The following CLIP1 variants were observed in gnomAD, a reference collection of about 807,000 sequenced individuals.
CLIP1 encodes CAP-Gly domain containing linker protein 1, also known as CAP-Gly domain-containing linker protein 1.
CLIP1 carries 66 observed loss-of-function variants against 161.6 expected under a neutral mutation model. That is an observed-to-expected ratio of 0.41 (90% CI 0.33 to 0.50). The LOEUF (loss-of-function observed/expected upper bound fraction) is 0.50, where lower values mean the gene tolerates loss of function less well. CLIP1 is among the 20% of genes least tolerant of loss of function. CLIP1 has a pLI of 0.27. For missense variants in CLIP1, 1,376 were observed against 1,702.0 expected, an observed-to-expected ratio of 0.81 and a Z score of 3.37; for synonymous variants, 598 against 626.2, an observed-to-expected ratio of 0.96 and a Z score of 0.67.
intron 24 of CLIP1, chr12:122,274,541 G>T (rs1464877713): frequency 4.8e-4 from 70 of 144,842 alleles, no homozygotes; most frequent in Admixed American, 9.6e-4. Flanking sequence ...GTTTTGTTTT[G>T]TTTTTTTTTT....
rs11057628 is a variant in CLIP1 at position 122,346,077 on chromosome 12, C to T, written c.1506+1298G>A. ...CTGGGATTACAGGCATGAGCCACCG[C>T]GCCTGGCCATTTCTTAATCTTTACG... On this transcript the variant is annotated intron_variant, in intron 10 of 25. Coordinates refer to ENST00000620786, the MANE Select transcript of CLIP1 (RefSeq NM_001247997.2). 4.5e-3 allele frequency among the ~76,000 whole-genome samples: 687 copies of T among 152,186 alleles called. 3 individuals are homozygous for T. Among genetic ancestry groups the T allele is most frequent in the African/African-American group, 0.015 (622 of 41,512 alleles).
chr12:122,420,957 GGATGGATA>G (rs1956918333), intron 1 of CLIP1, among the ~76,000 whole-genome samples: 1 of 150,728 alleles, frequency 6.6e-6, no homozygotes, highest in African/African-American at 2.5e-5. Flanking sequence ...ATTGATTGAT[GGATGGATA>G]GACAGACAGA....
chr12:122,371,511 T>A (rs1954448733), intron 3 of CLIP1, among the ~76,000 whole-genome samples: 1 of 152,162 alleles, frequency 6.6e-6, no homozygotes. Flanking sequence ...TAAAAAGAGT[T>A]TAGGCAAAGG....
At chr12:122,304,336 ATT>A (rs1172402469) in intron 20 of CLIP1, among the ~76,000 whole-genome samples, 1 of 152,058 alleles carries the variant, frequency 6.6e-6, no homozygotes, top group Non-Finnish European at 1.5e-5. Flanking sequence ...TCAAACCACA[ATT>A]TTGTTTCCTT....
chr12:122,412,466 C>A (rs1956577565), intron 1 of CLIP1, among the ~76,000 whole-genome samples: 1 of 151,928 alleles, frequency 6.6e-6, no homozygotes, highest in African/African-American at 2.4e-5. Flanking sequence ...ACCAGCCTGG[C>A]CAACATGGCG....
At chr12:122,300,403 C>T (rs775462867) in intron 20 of CLIP1, among the ~76,000 whole-genome samples, 3 of 151,906 alleles carry the variant, frequency 2.0e-5, no homozygotes, top group Admixed American at 2.0e-4. Context: ...GAGAATAAAT[C>T]GAAGTAAACA....
chr12:122,298,339 C>T (rs1263716489), intron 20 of CLIP1, among the ~76,000 whole-genome samples: 21 of 152,014 alleles, frequency 1.4e-4, no homozygotes, highest in Admixed American at 9.8e-4. Context: ...CTGGGCATGG[C>T]GGCTCAAGCC....
intron 20 of CLIP1, among the ~76,000 whole-genome samples, chr12:122,300,045 T>A (rs187905554): frequency 2.4e-4 from 37 of 152,146 alleles, no homozygotes; most frequent in African/African-American, 8.9e-4. Context: ...ATCGCTTGAG[T>A]CCAAGAGTTT....
In CLIP1 at chr12:122,341,294, G is replaced by A. The variant is rs142282409; in HGVS notation, c.1910C>T (p.Ala637Val). 5 of 1,613,640 alleles carry A rather than the reference G, an allele frequency of 3.1e-6. No individual in the cohort carries two copies. The highest frequency in any genetic ancestry group is 2.7e-5 in the African/African-American group (2 of 74,858). Residue 637 changes from alanine (A) to valine (V), a missense_variant, in exon 11 of 26, where the codon GCG becomes GTG. Around this residue, in one of 6 missense-constraint regions of CLIP1, gnomAD observed 948 missense variants for 1,134.8 expected, o/e 0.84. Coordinates refer to ENST00000620786, the MANE Select transcript of CLIP1 (RefSeq NM_001247997.2). ...LETAIASHQQAMEELKVSFSK... is the reference protein window; with the variant it reads ...LETAIASHQQVMEELKVSFSK... ...GAAAGATACCTTCAGTTCTTCCATCGCCTGCTGGTGGGATGCGATGGCAGT... is the reference window on the plus strand; with the variant it reads ...GAAAGATACCTTCAGTTCTTCCATCACCTGCTGGTGGGATGCGATGGCAGT...
intron 20 of CLIP1, among the ~76,000 whole-genome samples, chr12:122,291,852 T>C (rs1950262656): frequency 6.6e-6 from 1 of 152,220 alleles, no homozygotes; most frequent in Non-Finnish European, 1.5e-5. Context: ...TTTACCTACT[T>C]GTTTTAGCAC....
In CLIP1 at chr12:122,296,231, A is replaced by G. The variant is rs1475255005; in HGVS notation, c.3595-7690T>C. On this transcript the variant is annotated intron_variant, in intron 20 of 25. Coordinates refer to ENST00000620786, the MANE Select transcript of CLIP1 (RefSeq NM_001247997.2). ...TGAACTGACTATAAAGGAGGATAAG[A>G]GAACCTTTTGGGGTGAAGGAAATCT... Among the ~76,000 whole-genome samples the G allele has an allele frequency of 2.6e-5, 4 of 152,346 alleles. No homozygotes were observed. The East Asian group carries it at 7.7e-4, about 29-fold the overall frequency.
chr12:122,408,898 G>A lies in CLIP1; in HGVS notation c.-107+13623C>T, dbSNP rs138174617. On this transcript the variant is annotated intron_variant, in intron 1 of 25. Transcript: ENST00000620786. The stretch of plus-strand genomic sequence containing the variant: ...ACGATCTTGGCTCACTGCAACCTCC[G>A]CCTCCCAGGCTCAAGTGATTCTCCT... Among the ~76,000 whole-genome samples the A allele has an allele frequency of 1.1e-4, 17 of 152,024 alleles. No individual in the cohort carries two copies. In the East Asian group the frequency reaches 2.1e-3, roughly 19 times the overall value.
At chr12:122,390,540 G>A (rs971182098) in intron 1 of CLIP1, among the ~76,000 whole-genome samples, 6 of 151,452 alleles carry the variant, frequency 4.0e-5, no homozygotes, top group Non-Finnish European at 8.8e-5. Context: ...TGGAACTCCT[G>A]GCCTCAAGTG....
At position 122,380,467 on chromosome 12, in the gene CLIP1, A is replaced by T; in HGVS notation, c.-15T>A. 1 of 1,580,900 alleles carries T rather than the reference A, an allele frequency of 6.3e-7. No individual in the cohort carries two copies. The highest frequency in any genetic ancestry group is 8.7e-7 in the Non-Finnish European group (1 of 1,151,934). On this transcript the variant is annotated 5_prime_UTR_variant, in exon 2 of 26. Transcript: ENST00000620786. Reference sequence around the variant, plus strand: ...AGCATACTCATTTTCTTTGTATGTCAGAGCTGTTTCTCCTTTGCCTGTTGC... The same window carrying T: ...AGCATACTCATTTTCTTTGTATGTCTGAGCTGTTTCTCCTTTGCCTGTTGC...
intron 1 of CLIP1, among the ~76,000 whole-genome samples, chr12:122,380,771 C>G (rs1352519662): frequency 6.6e-6 from 1 of 151,912 alleles, no homozygotes; most frequent in Non-Finnish European, 1.5e-5. Context: ...AAGCAGTTAG[C>G]CAGGTGCCAT....
chr12:122,420,274 G>A (rs879494201), intron 1 of CLIP1, among the ~76,000 whole-genome samples: 10 of 151,756 alleles, frequency 6.6e-5, no homozygotes, highest in Non-Finnish European at 1.3e-4. Flanking sequence ...GAACCCAGTA[G>A]GCAGAGGTTG....
chr12:122,358,709 T>A (rs972945281), intron 5 of CLIP1, among the ~76,000 whole-genome samples: 12 of 151,402 alleles, frequency 7.9e-5, no homozygotes, highest in Non-Finnish European at 1.8e-4. Context: ...TTACATTGTC[T>A]GGCACATGGT....
intron 1 of CLIP1, among the ~76,000 whole-genome samples, chr12:122,418,613 G>A (rs1956832505): frequency 6.6e-6 from 1 of 151,978 alleles, no homozygotes; most frequent in Non-Finnish European, 1.5e-5. Context: ...TTTTTAATTA[G>A]CCAGGCATGA....
chr12:122,273,028 G>A lies in CLIP1; in HGVS notation c.4164C>T (p.His1388=), dbSNP rs989829701. 6.8e-6 allele frequency: 11 copies of A among 1,614,208 alleles called. No homozygotes were observed. Among genetic ancestry groups the A allele is most frequent in the Admixed American group, 3.3e-5 (2 of 60,020 alleles). Residue 1388 remains histidine (H), a synonymous_variant, in exon 26 of 26, where the codon CAC becomes CAT. Coordinates refer to ENST00000620786, the MANE Select transcript of CLIP1 (RefSeq NM_001247997.2). ...FCDICDCFDL[H]DTEDCPTQAQ... Reference sequence around the variant, plus strand: ...CCTGGGTAGGACAATCCTCTGTGTCGTGGAGATCAAAGCAGTCACAAATGT... The same window carrying A: ...CCTGGGTAGGACAATCCTCTGTGTCATGGAGATCAAAGCAGTCACAAATGT...
Sources: allele counts gnomAD v4.1 joint callset (sites outside exome capture counted in the v4.1 genomes callset), GRCh38; gene constraint gnomAD v4.1.1; regional missense constraint gnomAD v4.1.1; transcripts MANE v1.5; gene names NCBI Gene and HGNC (gene_info 2026-07-23, HGNC 2026-07-21).